Variants in TNIK observed in about 807,000 individuals in gnomAD.
The protein encoded by TNIK is TRAF2 and NCK interacting kinase.
A neutral mutation model predicts 191.3 loss-of-function variants in TNIK; 49 were observed. The observed-to-expected ratio is 0.26, with a 90% CI of 0.20 to 0.32. The LOEUF (loss-of-function observed/expected upper bound fraction) is 0.32. Ranked by LOEUF, TNIK falls within the 10% of genes least tolerant of loss-of-function variation. The probability of loss-of-function intolerance (pLI) is 1.00; values close to 1 mark genes in which losing one functional copy is unlikely to be tolerated. For missense variants in TNIK, 1,155 were observed against 1,702.3 expected, an observed-to-expected ratio of 0.68 and a Z score of 5.66; for synonymous variants, 594 against 600.9, an observed-to-expected ratio of 0.99 and a Z score of 0.17.
chr3:171,270,932 A>G (rs1749017223), intron 2 of TNIK, among the ~76,000 whole-genome samples: 1 of 152,192 alleles, frequency 6.6e-6, no homozygotes, highest in Non-Finnish European at 1.5e-5. Context: ...TGTTCCTGTT[A>G]TTTCATTTCA....
chr3:171,452,729 AACACACACACACACACAC>A (rs10602125), intron 1 of TNIK, among the ~76,000 whole-genome samples: 21 of 142,644 alleles, frequency 1.5e-4, no homozygotes, highest in African/African-American at 4.3e-4. Flanking sequence ...ACACACTCCA[AACACACACACACACACAC>A]ACACACACAC....
intron 4 of TNIK, among the ~76,000 whole-genome samples, chr3:171,197,356 G>C (rs1738833901): frequency 6.6e-6 from 1 of 151,374 alleles, no homozygotes; most frequent in African/African-American, 2.4e-5. Flanking sequence ...TGGCTTCTTA[G>C]ATATGACAAC....
intron 2 of TNIK, among the ~76,000 whole-genome samples, chr3:171,351,517 C>T (rs1281565584): frequency 6.6e-6 from 1 of 152,096 alleles, no homozygotes; most frequent in African/African-American, 2.4e-5. Flanking sequence ...GAAAAGAATT[C>T]ATTTATTCTC....
intron 1 of TNIK, among the ~76,000 whole-genome samples, chr3:171,387,507 G>C (rs1252326658): frequency 6.6e-6 from 1 of 152,142 alleles, no homozygotes; most frequent in Non-Finnish European, 1.5e-5. Context: ...TCTAGGGATA[G>C]TTCTTTCAAA....
rs185658886 is a variant in TNIK, at chr3:171,188,453, A to T, written c.639+249T>A. Among the ~76,000 whole-genome samples the T allele has an allele frequency of 7.9e-4, 121 of 152,314 alleles. 1 individual carries two copies. Among genetic ancestry groups the T allele is most frequent in the Admixed American group, 5.6e-3 (85 of 15,300 alleles). On this transcript the variant is annotated intron_variant, in intron 7 of 32. Coordinates refer to ENST00000436636, the MANE Select transcript of TNIK (RefSeq NM_015028.4). ...AATAATAAGAAGCAAGAGTAAATTTAAAAAAATATAGAAAATGATTTAAAC... is the reference window on the plus strand; with the variant it reads ...AATAATAAGAAGCAAGAGTAAATTTTAAAAAATATAGAAAATGATTTAAAC...
chr3:171,329,118 C>T (rs1303988217), intron 2 of TNIK, among the ~76,000 whole-genome samples: 2 of 152,064 alleles, frequency 1.3e-5, no homozygotes, highest in African/African-American at 2.4e-5. Flanking sequence ...ACACTCCTTA[C>T]ACCCTATTTT....
intron 2 of TNIK, among the ~76,000 whole-genome samples, chr3:171,288,958 G>C (rs930589651): frequency 6.6e-6 from 1 of 152,104 alleles, no homozygotes; most frequent in Non-Finnish European, 1.5e-5. Context: ...ATTTGAATTT[G>C]ACTCATAGGG....
chr3:171,066,628 G>T lies in TNIK; in HGVS notation c.3807C>A (p.Gly1269=), dbSNP rs757402876. The T allele has an allele frequency of 2.5e-6, 4 of 1,613,792 alleles. No homozygotes were observed. In the South Asian group the frequency reaches 3.3e-5, roughly 13 times the overall value. The change falls in exon 31 of 33, where the codon GGC becomes GGA. Residue 1269 remains glycine (G), a synonymous_variant. Coordinates refer to ENST00000436636, the MANE Select transcript of TNIK (RefSeq NM_015028.4). ...EDEGVYVNTY[G]RITKDVVLQW... Reference sequence around the variant, plus strand: ...GGAGCACCACATCCTTAGTTATCCGGCCATAGGTGTTTACATACACCCCCT... The same window carrying T: ...GGAGCACCACATCCTTAGTTATCCGTCCATAGGTGTTTACATACACCCCCT...
chr3:171,125,920 G>A lies in TNIK; in HGVS notation c.2005C>T (p.Pro669Ser). Reference sequence around the variant, plus strand: ...ACCCCAGTAAATATTACCTTTGGTGGAATGTCTTCTTCCTGTCGTAACCAA... The same window carrying A: ...ACCCCAGTAAATATTACCTTTGGTGAAATGTCTTCTTCCTGTCGTAACCAA... ...SSWLRQEEDIPPKVPQRTTSI... is the reference protein window; with the variant it reads ...SSWLRQEEDISPKVPQRTTSI... Residue 669 changes from proline (P) to serine (S), a missense_variant, in exon 17 of 33, where the codon CCA (proline) becomes TCA (serine). Transcript: ENST00000436636. 1 of 1,613,954 alleles carries A rather than the reference G, an allele frequency of 6.2e-7. No individual in the cohort carries two copies. Among genetic ancestry groups the A allele is most frequent in the Non-Finnish European group, 8.5e-7 (1 of 1,179,892 alleles).
At chr3:171,139,765 A>G (rs1328043439) in intron 13 of TNIK, among the ~76,000 whole-genome samples, 1 of 152,222 alleles carries the variant, frequency 6.6e-6, no homozygotes, top group East Asian at 1.9e-4. Flanking sequence ...CTCTACCTGC[A>G]ACAGCTGACT....
At chr3:171,105,002 A>G (rs1024800289) in intron 21 of TNIK, among the ~76,000 whole-genome samples, 5 of 151,892 alleles carry the variant, frequency 3.3e-5, no homozygotes, top group East Asian at 1.9e-4. Context: ...TTCAAAGACT[A>G]TATTAAATAG....
At chr3:171,419,744 G>A (rs1037645183) in intron 1 of TNIK, among the ~76,000 whole-genome samples, 1 of 152,120 alleles carries the variant, frequency 6.6e-6, no homozygotes, top group Non-Finnish European at 1.5e-5. Flanking sequence ...CACAGTGCCC[G>A]ACAAGTATCC....
At chr3:171,401,880 T>C (rs1048732336) in intron 1 of TNIK, among the ~76,000 whole-genome samples, 11 of 152,234 alleles carry the variant, frequency 7.2e-5, no homozygotes, top group African/African-American at 2.7e-4. Flanking sequence ...CAATAAATGT[T>C]AGCTGTTATT....
chr3:171,270,447 A>C (rs1244964626), intron 2 of TNIK, among the ~76,000 whole-genome samples: 1 of 152,214 alleles, frequency 6.6e-6, no homozygotes, highest in Non-Finnish European at 1.5e-5. Context: ...GAGAGGAAAG[A>C]GGCCAGAGAG....
chr3:171,386,587 T>C (rs1188083635), intron 1 of TNIK, among the ~76,000 whole-genome samples: 1 of 152,204 alleles, frequency 6.6e-6, no homozygotes, highest in Non-Finnish European at 1.5e-5. Flanking sequence ...TTTATAGCCC[T>C]AATTTTCAAA....
intron 1 of TNIK, among the ~76,000 whole-genome samples, chr3:171,434,360 A>G (rs1450682266): frequency 6.6e-6 from 1 of 152,192 alleles, no homozygotes; most frequent in African/African-American, 2.4e-5. Context: ...GTTCTAATAT[A>G]TCTTTAGTTG....
At chr3:171,265,132 C>T (rs775553274) in intron 2 of TNIK, among the ~76,000 whole-genome samples, 1 of 152,182 alleles carries the variant, frequency 6.6e-6, no homozygotes, top group Non-Finnish European at 1.5e-5. Flanking sequence ...TGAAAGTGAA[C>T]CCGGGTACTC....
intron 1 of TNIK, among the ~76,000 whole-genome samples, chr3:171,375,032 G>A (rs981591145): frequency 1.3e-5 from 2 of 152,160 alleles, no homozygotes; most frequent in African/African-American, 4.8e-5. Flanking sequence ...ATAGCTTCAT[G>A]GAACCATAAT....
chr3:171,183,070 C>T (rs1736862989), intron 7 of TNIK, among the ~76,000 whole-genome samples: 1 of 152,234 alleles, frequency 6.6e-6, no homozygotes, highest in African/African-American at 2.4e-5. Context: ...CATCAACTGG[C>T]AGTTCAACCA....
Sources: gnomAD v4.1 joint callset for allele counts (sites outside exome capture counted in the v4.1 genomes callset) on GRCh38, gnomAD v4.1.1 for gene constraint, MANE v1.5 for transcripts, NCBI Gene and HGNC (gene_info 2026-07-23, HGNC 2026-07-21) for gene names.